The following FAAH2 variants were observed in gnomAD, a reference collection of about 807,000 sequenced individuals.
FAAH2 encodes fatty-acid amide hydrolase 2.
A neutral mutation model predicts 36.9 loss-of-function variants in FAAH2; 60 were observed. The observed-to-expected ratio is 1.63, with a 90% confidence interval of 1.32 to 2.02. The LOEUF is 2.02. Ranked by LOEUF, FAAH2 falls within the 30% of genes most tolerant of loss-of-function variation. FAAH2 has a pLI of 0.00. For synonymous variants in FAAH2, 214 were observed against 143.8 expected (o/e 1.49, Z -3.49); for missense variants, 689 against 397.5 (o/e 1.73, Z -6.23).
At position 57,448,534 on chromosome X, in the gene FAAH2, G is replaced by A. The variant is rs369070838; in HGVS notation, c.1239G>A (p.Leu413=). 6 of 1,207,633 alleles carry A rather than the reference G, an allele frequency of 5.0e-6. No homozygotes were observed. Among genetic ancestry groups the A allele is most frequent in the Non-Finnish European group, 6.7e-6 (6 of 894,239 alleles). Residue 413 remains leucine, a synonymous_variant, in exon 10 of 11, where the codon TTG becomes TTA. Coordinates refer to ENST00000374900, the MANE Select transcript of FAAH2 (RefSeq NM_174912.4). ...VYTIPSIGLA[L]LEEKLRYSNE... Reference sequence around the variant, plus strand: ...GATATCATTCTGTAGGACTGGCTTTGTTGGAAGAAAAGCTCAGATATAGCA... The same window carrying A: ...GATATCATTCTGTAGGACTGGCTTTATTGGAAGAAAAGCTCAGATATAGCA...
At chrX:57,394,128 G>T (rs760651578) in intron 7 of FAAH2, 204 of 708,499 alleles carry the variant, frequency 2.9e-4, no homozygotes, top group Non-Finnish European at 4.3e-4. Context: ...GTGAGGTGAA[G>T]ATTAAACTCT....
At chrX:57,410,443 A>G (rs1312717170) in intron 7 of FAAH2, among the ~76,000 whole-genome samples, 1 of 111,664 alleles carries the variant, frequency 9.0e-6, no homozygotes, top group Non-Finnish European at 1.9e-5. Flanking sequence ...TGATCTATAC[A>G]TTGTTGAAAG....
intron 10 of FAAH2, among the ~76,000 whole-genome samples, chrX:57,453,753 G>T (rs748210456): frequency 1.8e-5 from 2 of 111,950 alleles, no homozygotes; most frequent in African/African-American, 6.5e-5. Flanking sequence ...CTAGACAGGG[G>T]ATTAAGTGAC....
chrX:57,329,179 T>G (rs188441093), intron 3 of FAAH2, among the ~76,000 whole-genome samples: 1 of 112,366 alleles, frequency 8.9e-6, no homozygotes, highest in African/African-American at 3.2e-5. Flanking sequence ...ATTGGCAATA[T>G]TGACTGCATT....
chrX:57,385,691 G>C (rs2055002029), intron 7 of FAAH2, among the ~76,000 whole-genome samples: 1 of 111,757 alleles, frequency 8.9e-6, no homozygotes, highest in African/African-American at 3.3e-5. Context: ...CAAACCATAG[G>C]TCAGGACATC....
At chrX:57,238,551 G>A in the FAAH2 span, among the ~76,000 whole-genome samples, 8 of 111,192 alleles carry the variant, frequency 7.2e-5, no homozygotes, top group Non-Finnish European at 1.5e-4. Flanking sequence ...TGTGGGTGAT[G>A]GAACAATTTG....
intron 7 of FAAH2, among the ~76,000 whole-genome samples, chrX:57,422,487 A>G (rs1235763220): frequency 8.9e-6 from 1 of 112,308 alleles, no homozygotes; most frequent in Non-Finnish European, 1.9e-5. Context: ...GTTGCTGAGT[A>G]TATCTATTCA....
intron 10 of FAAH2, among the ~76,000 whole-genome samples, chrX:57,478,198 G>T (rs1188908523): frequency 2.7e-5 from 3 of 111,838 alleles, no homozygotes; most frequent in Non-Finnish European, 5.6e-5. Flanking sequence ...GTATGAGATG[G>T]TATCTCATTG....
intron 7 of FAAH2, chrX:57,395,534 T>G (rs1265247403): frequency 3.2e-6 from 1 of 312,434 alleles, no homozygotes; most frequent in African/African-American, 2.7e-5. Context: ...AGATGGCTTT[T>G]ATTAATTTGA....
intron 10 of FAAH2, among the ~76,000 whole-genome samples, chrX:57,484,685 G>A (rs2057442172): frequency 2.7e-5 from 3 of 111,438 alleles, no homozygotes; most frequent in African/African-American, 9.8e-5. Flanking sequence ...GTGGAAGTGA[G>A]AGGTCTGCCT....
intron 10 of FAAH2, among the ~76,000 whole-genome samples, chrX:57,465,430 C>T (rs1357819857): frequency 1.8e-5 from 2 of 111,027 alleles, no homozygotes; most frequent in East Asian, 5.6e-4. Context: ...ATGAAAAATT[C>T]AAAAGTAGCA....
At chrX:57,140,455 C>T in the FAAH2 span, among the ~76,000 whole-genome samples, 3 of 104,359 alleles carry the variant, frequency 2.9e-5, no homozygotes, top group African/African-American at 1.1e-4. Context: ...ATTAACCTGG[C>T]GTGGTGGCAG....
chrX:57,415,779 C>G (rs1234306608), intron 7 of FAAH2, among the ~76,000 whole-genome samples: 1 of 110,545 alleles, frequency 9.0e-6, no homozygotes, highest in Admixed American at 9.6e-5. Context: ...CTGAACATCC[C>G]TGTTAATTTT....
upstream of FAAH2, among the ~76,000 whole-genome samples, chrX:57,285,392 T>C (rs776254858): frequency 8.9e-6 from 1 of 112,447 alleles, no homozygotes; most frequent in African/African-American, 3.2e-5. Flanking sequence ...TCAAGCCCTA[T>C]GTCAGGCTCT....
chrX:57,151,193 AT>A, the FAAH2 span, among the ~76,000 whole-genome samples: 8 of 111,520 alleles, frequency 7.2e-5, no homozygotes, highest in Middle Eastern at 4.6e-3. Flanking sequence ...TGCCCTTAAC[AT>A]TTTTTCCTTC....
intron 7 of FAAH2, among the ~76,000 whole-genome samples, chrX:57,423,184 A>G (rs1179370667): frequency 8.9e-6 from 1 of 111,999 alleles, no homozygotes; most frequent in Non-Finnish European, 1.9e-5. Context: ...GACATTTCTA[A>G]TCCTAACTCA....
chrX:57,292,396 C>T (rs1283678643), intron 1 of FAAH2, 102 bp from the exon 2 acceptor site: 15 of 726,813 alleles, frequency 2.1e-5, no homozygotes, highest in Non-Finnish European at 2.8e-5. Flanking sequence ...CTGAAAGTGT[C>T]TCAAAAAATG....
At chrX:57,418,349 C>T (rs990449274) in intron 7 of FAAH2, among the ~76,000 whole-genome samples, 3 of 111,707 alleles carry the variant, frequency 2.7e-5, no homozygotes, top group African/African-American at 9.8e-5. Context: ...AGCCCAGGGC[C>T]CTGGTGGTGT....
At chrX:57,439,511 C>T (rs193036670) in intron 8 of FAAH2, among the ~76,000 whole-genome samples, 1 of 111,464 alleles carries the variant, frequency 9.0e-6, no homozygotes, top group Admixed American at 9.6e-5. Context: ...AGCCCTTTGT[C>T]AGATGAGTAG....
Sources: allele counts gnomAD v4.1 joint callset (sites outside exome capture counted in the v4.1 genomes callset), GRCh38; gene constraint gnomAD v4.1.1; transcripts MANE v1.5; gene names NCBI Gene and HGNC (gene_info 2026-07-23, HGNC 2026-07-21).